Variants in DLG2 observed in about 807,000 individuals in gnomAD.
The protein encoded by DLG2 is disks large homolog 2.
DLG2 carries 45 observed loss-of-function variants against 132.5 expected under a neutral mutation model. That is an observed-to-expected ratio of 0.34 (90% confidence interval 0.27 to 0.44). The LOEUF is 0.44. Among genes scored for constraint, DLG2 ranks in the 20% least tolerant of loss-of-function variants. The pLI, the probability that DLG2 is intolerant of heterozygous loss-of-function variation, is 1.00. For missense variants in DLG2, 1,045 were observed against 1,196.9 expected (o/e 0.87, Z 1.87); for synonymous variants, 424 against 419.6 (o/e 1.01, Z -0.13).
chr11:85,266,360 C>A (rs1336041448), intron 4 of DLG2, among the ~76,000 whole-genome samples: 2 of 152,202 alleles, frequency 1.3e-5, no homozygotes, highest in Non-Finnish European at 2.9e-5. Flanking sequence ...TGCTTGTGTG[C>A]TCCCTACCAA....
intron 3 of DLG2, among the ~76,000 whole-genome samples, chr11:85,389,462 T>A (rs1160880663): frequency 6.6e-6 from 1 of 152,156 alleles, no homozygotes; most frequent in Non-Finnish European, 1.5e-5. Flanking sequence ...AAAACTTCCC[T>A]GGTCATGCTA....
chr11:84,662,204 T>C lies in DLG2; in HGVS notation c.358-127473A>G, dbSNP rs544410105. On this transcript the variant is annotated intron_variant, in intron 6 of 27. Transcript: ENST00000376104. ...CTTTGTAAATCTTTTTTTTTTTTTTTTTTTTGAGATGGAGTTTCACTCTTG... is the reference window on the plus strand; with the variant it reads ...CTTTGTAAATCTTTTTTTTTTTTTTCTTTTTGAGATGGAGTTTCACTCTTG... Among the ~76,000 whole-genome samples, 1,442 of 150,920 alleles carry C rather than the reference T, an allele frequency of 9.6e-3. 22 individuals carry two copies. The highest frequency in any genetic ancestry group is 0.034 in the African/African-American group (1,382 of 41,046).
intron 6 of DLG2, among the ~76,000 whole-genome samples, chr11:84,962,074 C>A (rs985619151): frequency 1.3e-5 from 2 of 152,246 alleles, no homozygotes; most frequent in East Asian, 1.9e-4. Context: ...AGATTATTAA[C>A]CCTCACAATG....
chr11:84,914,852 G>A (rs185775306), intron 6 of DLG2, among the ~76,000 whole-genome samples: 1 of 152,282 alleles, frequency 6.6e-6, no homozygotes, highest in Admixed American at 6.5e-5. Flanking sequence ...TGGGGTTATT[G>A]TGAAGATGAA....
Position 83,498,281 on chromosome 11 carries a change from A to C in DLG2, c.2194-14053T>G, listed in dbSNP as rs150332135. On this transcript the variant is annotated intron_variant, in intron 21 of 27. Transcript: ENST00000376104. ...TAGTTGCTGACACTATAGTTCAATAAATAGAAGCCAATTTTAATAGTAATA... is the reference window on the plus strand; with the variant it reads ...TAGTTGCTGACACTATAGTTCAATACATAGAAGCCAATTTTAATAGTAATA... 6.9e-3 allele frequency among the ~76,000 whole-genome samples: 1,055 copies of C among 152,192 alleles called. 18 individuals are homozygous for C. Among genetic ancestry groups the C allele is most frequent in the African/African-American group, 0.025 (1,022 of 41,558 alleles).
At chr11:85,554,731 T>C (rs1025317696) in intron 3 of DLG2, among the ~76,000 whole-genome samples, 2 of 150,148 alleles carry the variant, frequency 1.3e-5, no homozygotes, top group Non-Finnish European at 2.9e-5. Flanking sequence ...TGATCGTTTA[T>C]TGCACCAGAG....
At chr11:83,532,209 A>AT (rs2095767192) in intron 21 of DLG2, among the ~76,000 whole-genome samples, 1 of 152,126 alleles carries the variant, frequency 6.6e-6, no homozygotes, top group Admixed American at 6.5e-5. Flanking sequence ...GTGAGTAAAT[A>AT]TTCTAATTTT....
chr11:84,380,335 T>A (rs1008296156), intron 7 of DLG2, among the ~76,000 whole-genome samples: 15 of 151,892 alleles, frequency 9.9e-5, no homozygotes, highest in African/African-American at 3.1e-4. Flanking sequence ...CATGGAACAT[T>A]TACAAAAATT....
intron 7 of DLG2, among the ~76,000 whole-genome samples, chr11:84,526,517 G>C (rs2099320985): frequency 6.6e-6 from 1 of 152,106 alleles, no homozygotes. Context: ...TGCAGTTTCA[G>C]CTACCAGAGG....
chr11:85,370,249 G>C (rs286051), intron 3 of DLG2, among the ~76,000 whole-genome samples: 87,737 of 152,050 alleles, frequency 0.58, 26,280 homozygotes, highest in Middle Eastern at 0.72. Context: ...ACTAGAAATA[G>C]ATTTACATGA....
rs1043725384 is a variant in DLG2, at chr11:85,520,675, A to G, written c.40+77982T>C. Among the ~76,000 whole-genome samples, 13 of 152,110 alleles carry G rather than the reference A, an allele frequency of 8.5e-5. No homozygotes were observed. In the East Asian group the frequency reaches 2.1e-3, roughly 25 times the overall value. ...GCATAAAAAAAAAACACATGGACCAATGGAACAGAACAGAGAATCTAGAAA... is the reference window on the plus strand; with the variant it reads ...GCATAAAAAAAAAACACATGGACCAGTGGAACAGAACAGAGAATCTAGAAA... On this transcript the variant is annotated intron_variant, in intron 3 of 27. Transcript: ENST00000376104.
At chr11:84,525,972 T>C (rs1289789930) in intron 7 of DLG2, among the ~76,000 whole-genome samples, 1 of 152,200 alleles carries the variant, frequency 6.6e-6, no homozygotes, top group Non-Finnish European at 1.5e-5. Context: ...TAATTTTTTT[T>C]CTCTGACAAC....
intron 6 of DLG2, among the ~76,000 whole-genome samples, chr11:84,614,568 G>A (rs2099600796): frequency 6.6e-6 from 1 of 152,188 alleles, no homozygotes; most frequent in South Asian, 2.1e-4. Flanking sequence ...CAATCTTTCT[G>A]TCAGTAAAGT....
chr11:84,729,071 T>C (rs1478457536), intron 6 of DLG2, among the ~76,000 whole-genome samples: 2 of 152,168 alleles, frequency 1.3e-5, no homozygotes, highest in Non-Finnish European at 2.9e-5. Flanking sequence ...AAGGTTTTTT[T>C]GGGTCTGTAT....
intron 19 of DLG2, among the ~76,000 whole-genome samples, chr11:83,597,841 A>G (rs917556790): frequency 6.6e-6 from 1 of 152,212 alleles, no homozygotes; most frequent in African/African-American, 2.4e-5. Flanking sequence ...ACTGGCTTAT[A>G]GAATAAAAAT....
At chr11:85,524,989 A>T (rs571446974) in intron 3 of DLG2, 65 of 152,312 alleles carry the variant, frequency 4.3e-4, no homozygotes, top group African/African-American at 1.3e-3. Context: ...AAATGTATAT[A>T]CCTGGTATAA....
intron 4 of DLG2, among the ~76,000 whole-genome samples, chr11:85,232,097 T>A (rs117954835): frequency 6.6e-6 from 1 of 151,840 alleles, no homozygotes; most frequent in African/African-American, 2.4e-5. Context: ...CTCCACCCAT[T>A]AAGATTTTTG....
intron 6 of DLG2, among the ~76,000 whole-genome samples, chr11:84,764,529 A>C (rs945219994): frequency 6.6e-6 from 1 of 152,130 alleles, no homozygotes. Context: ...CAACAGTCCT[A>C]TCAAGAAGAC....
chr11:84,669,696 T>TCACCTGACAATATTTTGATCAAATGGC (rs545438429), intron 6 of DLG2, among the ~76,000 whole-genome samples: 1 of 152,130 alleles, frequency 6.6e-6, no homozygotes, highest in Admixed American at 6.6e-5. Flanking sequence ...TCATTTAGGG[T>TCACCTGACAATATTTTGATCAAATGGC]CACCTGACAA....
Sources: gnomAD v4.1 joint callset for allele counts (sites outside exome capture counted in the v4.1 genomes callset) on GRCh38, gnomAD v4.1.1 for gene constraint, MANE v1.5 for transcripts, NCBI Gene and HGNC (gene_info 2026-07-23, HGNC 2026-07-21) for gene names.